GNG4: variants seen among roughly 807,000 people sequenced by gnomAD.
GNG4 encodes guanine nucleotide-binding protein G(I)/G(S)/G(O) subunit gamma-4.
In GNG4, 4 loss-of-function variants were observed where a neutral mutation model predicts 5.8. The ratio of observed to expected loss-of-function variants is 0.69; its 90% CI spans 0.34 to 1.57. The LOEUF is 1.57. GNG4 is among the 40% of genes most tolerant of loss of function. The pLI, the probability that GNG4 is intolerant of heterozygous loss-of-function variation, is 0.06. For synonymous variants in GNG4, 29 were observed against 32.9 expected, an observed-to-expected ratio of 0.88 and a Z score of 0.41; for missense variants, 96 against 95.1, an observed-to-expected ratio of 1.01 and a Z score of -0.04.
chr1:235,645,429 A>C (rs974769238), intron 1 of GNG4, among the ~76,000 whole-genome samples: 1 of 152,176 alleles, frequency 6.6e-6, no homozygotes, highest in Non-Finnish European at 1.5e-5. Flanking sequence ...CAGAAGAAAC[A>C]AGGTTGAGTT....
chr1:235,552,063 G>C lies in GNG4; in HGVS notation c.*46C>G, dbSNP rs781185244. ...CTTAGAGCATGCATGGTCTCTACAGGGGACTTTGAAGGTCAGAAAAGGAGG... is the reference window on the plus strand; with the variant it reads ...CTTAGAGCATGCATGGTCTCTACAGCGGACTTTGAAGGTCAGAAAAGGAGG... On this transcript the variant is annotated 3_prime_UTR_variant, in exon 4 of 4. Coordinates refer to ENST00000391854, the MANE Select transcript of GNG4 (RefSeq NM_001098722.2). 2 of 1,591,322 alleles carry C rather than the reference G, an allele frequency of 1.3e-6. No individual in the cohort carries two copies. Among genetic ancestry groups the C allele is most frequent in the South Asian group, 1.1e-5 (1 of 90,206 alleles).
intron 1 of GNG4, among the ~76,000 whole-genome samples, chr1:235,623,772 C>T (rs1256007498): frequency 2.6e-5 from 4 of 152,170 alleles, no homozygotes; most frequent in African/African-American, 9.7e-5. Context: ...CAGCAGCCCC[C>T]CTCATCATGC....
chr1:235,552,450 G>A (rs547995827), intron 3 of GNG4, among the ~76,000 whole-genome samples: 19 of 152,284 alleles, frequency 1.2e-4, no homozygotes, highest in Non-Finnish European at 2.5e-4. Context: ...GGCTGCCCTC[G>A]CATGGCAGGC....
At chr1:235,634,596 T>G (rs1688993643) in intron 1 of GNG4, among the ~76,000 whole-genome samples, 1 of 152,218 alleles carries the variant, frequency 6.6e-6, no homozygotes, top group Non-Finnish European at 1.5e-5. Flanking sequence ...TGCTTTCCCT[T>G]GCTCCCACCA....
intron 1 of GNG4, among the ~76,000 whole-genome samples, chr1:235,637,223 G>C (rs1486931575): frequency 6.6e-6 from 1 of 152,196 alleles, no homozygotes; most frequent in African/African-American, 2.4e-5. Flanking sequence ...AAATTGAGCA[G>C]ACATATCGGG....
At chr1:235,641,897 T>C (rs1398198997) in intron 1 of GNG4, among the ~76,000 whole-genome samples, 2 of 152,206 alleles carry the variant, frequency 1.3e-5, no homozygotes, top group Non-Finnish European at 2.9e-5. Context: ...TCTCATGCAC[T>C]TACTATATCT....
At chr1:235,616,905 ATTT>A (rs553175038) in intron 1 of GNG4, among the ~76,000 whole-genome samples, 1 of 115,780 alleles carries the variant, frequency 8.6e-6, no homozygotes. Context: ...CACCTGGCTA[ATTT>A]TTTTTTTTTT....
At chr1:235,577,119 C>A (rs985028878) in intron 3 of GNG4, among the ~76,000 whole-genome samples, 18 of 152,186 alleles carry the variant, frequency 1.2e-4, no homozygotes, top group African/African-American at 3.6e-4. Flanking sequence ...TAGAAACTCT[C>A]CTGAGCACAA....
chr1:235,604,226 A>G (rs1688310825), intron 1 of GNG4, among the ~76,000 whole-genome samples: 1 of 152,204 alleles, frequency 6.6e-6, no homozygotes, highest in African/African-American at 2.4e-5. Flanking sequence ...GTGTGTTTGT[A>G]CAGTCTATAA....
intron 1 of GNG4, among the ~76,000 whole-genome samples, chr1:235,624,712 C>T (rs113491978): frequency 6.6e-6 from 1 of 152,198 alleles, no homozygotes; most frequent in Non-Finnish European, 1.5e-5. Context: ...TTTTGCTTCT[C>T]ATTTCATTTG....
At chr1:235,562,539 G>A (rs1687090893) in intron 3 of GNG4, among the ~76,000 whole-genome samples, 2 of 151,758 alleles carry the variant, frequency 1.3e-5, no homozygotes, top group Non-Finnish European at 1.5e-5. Flanking sequence ...CAACTACTCA[G>A]GAGGCTGAGG....
rs560416773 is a variant in GNG4 at position 235,608,999 on chromosome 1, G to T, written c.-122-13488C>A. Among the ~76,000 whole-genome samples the T allele has an allele frequency of 1.6e-3, 235 of 151,520 alleles. 2 individuals are homozygous for T. The highest frequency in any genetic ancestry group is 4.8e-3 in the Admixed American group (73 of 15,198). The stretch of plus-strand genomic sequence containing the variant: ...GTGTCTGGCTCCTCAATTTTTTTTT[G>T]TTGTTGTTGTTAAATAGAGACAGGG... On this transcript the variant is annotated intron_variant, in intron 1 of 3. Transcript: ENST00000391854.
chr1:235,609,205 T>C (rs1045163134), intron 1 of GNG4, among the ~76,000 whole-genome samples: 4 of 152,176 alleles, frequency 2.6e-5, no homozygotes, highest in Non-Finnish European at 5.9e-5. Flanking sequence ...TCATTCCCTT[T>C]TATGGCTGAA....
chr1:235,583,933 T>C (rs978904389), intron 2 of GNG4, 85 bp from the exon 3 acceptor site: 32 of 736,516 alleles, frequency 4.3e-5, no homozygotes, highest in Non-Finnish European at 7.1e-5. Context: ...ACAGCTTCTC[T>C]GTCCAAGCCA....
chr1:235,634,202 C>T (rs193121819), intron 1 of GNG4, among the ~76,000 whole-genome samples: 34 of 152,268 alleles, frequency 2.2e-4, no homozygotes, highest in Non-Finnish European at 3.5e-4. Context: ...CCTTGTGTCA[C>T]GAGTGGTTAC....
At chr1:235,634,386 G>A (rs1386734217) in intron 1 of GNG4, among the ~76,000 whole-genome samples, 1 of 152,188 alleles carries the variant, frequency 6.6e-6, no homozygotes, top group Non-Finnish European at 1.5e-5. Context: ...TTTATAGGAT[G>A]GAGCTTGTTC....
intron 3 of GNG4, among the ~76,000 whole-genome samples, chr1:235,568,024 T>G (rs1389302179): frequency 3.3e-5 from 5 of 152,166 alleles, no homozygotes; most frequent in Non-Finnish European, 5.9e-5. Flanking sequence ...GCAGCAGGAC[T>G]GTAACTGCAC....
intron 1 of GNG4, among the ~76,000 whole-genome samples, chr1:235,635,028 T>C (rs537746941): frequency 1.3e-5 from 2 of 152,236 alleles, no homozygotes; most frequent in African/African-American, 4.8e-5. Context: ...GTATAGACAG[T>C]GAATAAATTT....
In GNG4 at chr1:235,609,919, G is replaced by A. The variant is rs141533040; in HGVS notation, c.-122-14408C>T. Among the ~76,000 whole-genome samples the A allele has an allele frequency of 3.5e-4, 53 of 152,224 alleles. 2 individuals are homozygous for A. In the East Asian group the frequency reaches 0.01, roughly 29 times the overall value. On this transcript the variant is annotated intron_variant, in intron 1 of 3. Transcript: ENST00000391854. Reference sequence around the variant, plus strand: ...AAAGTTTCTTGAACCACTTGAATGGGAGATGTCAACCTAACTGCCTGTCAG... The same window carrying A: ...AAAGTTTCTTGAACCACTTGAATGGAAGATGTCAACCTAACTGCCTGTCAG...
Sources: gnomAD v4.1 joint callset for allele counts (sites outside exome capture counted in the v4.1 genomes callset) on GRCh38, gnomAD v4.1.1 for gene constraint, MANE v1.5 for transcripts, NCBI Gene and HGNC (gene_info 2026-07-23, HGNC 2026-07-21) for gene names.